SLIT3: variants seen among roughly 807,000 people sequenced by gnomAD.
The protein encoded by SLIT3 is slit guidance ligand 3.
In SLIT3, 68 loss-of-function variants were observed where a neutral mutation model predicts 184.0. The observed-to-expected ratio is 0.37, with a 90% CI of 0.30 to 0.45. The LOEUF is 0.45. Among genes scored for constraint, SLIT3 ranks in the 20% least tolerant of loss-of-function variants. SLIT3 has a pLI of 1.00. For synonymous variants in SLIT3, 831 were observed against 828.6 expected, an observed-to-expected ratio of 1.00 and a Z score of -0.05; for missense variants, 1,707 against 2,026.0, an observed-to-expected ratio of 0.84 and a Z score of 3.02.
At chr5:169,104,633 C>T (rs1256686960) in intron 4 of SLIT3, among the ~76,000 whole-genome samples, 1 of 152,160 alleles carries the variant, frequency 6.6e-6, no homozygotes, top group African/African-American at 2.4e-5. Flanking sequence ...AGCCTCCAGC[C>T]TTATCATCTT....
At chr5:169,134,388 C>A (rs1164917945) in intron 4 of SLIT3, among the ~76,000 whole-genome samples, 1 of 152,094 alleles carries the variant, frequency 6.6e-6, no homozygotes, top group Non-Finnish European at 1.5e-5. Context: ...CTTCTTGGAC[C>A]CAAGGTCTTC....
intron 20 of SLIT3, among the ~76,000 whole-genome samples, chr5:168,745,426 T>TTATTTTTTTTTTTA (rs1763769580): frequency 6.6e-6 from 1 of 152,162 alleles, no homozygotes; most frequent in Non-Finnish European, 1.5e-5. Flanking sequence ...TTTTTTTTTT[T>TTATTTTTTTTTTTA]TTTGAGACAG....
chr5:169,226,811 T>C (rs546332119), intron 3 of SLIT3, among the ~76,000 whole-genome samples: 1 of 152,168 alleles, frequency 6.6e-6, no homozygotes, highest in East Asian at 1.9e-4. Flanking sequence ...TAAGATTCAC[T>C]TTCAGTTTTT....
intron 3 of SLIT3, among the ~76,000 whole-genome samples, chr5:169,222,830 A>T (rs909552597): frequency 8.5e-5 from 13 of 152,204 alleles, no homozygotes; most frequent in Admixed American, 8.5e-4. Flanking sequence ...ATTGTCACCC[A>T]GAGAGAAGCA....
At chr5:169,297,891 C>A (rs539293893) in intron 1 of SLIT3, among the ~76,000 whole-genome samples, 5 of 152,340 alleles carry the variant, frequency 3.3e-5, no homozygotes, top group East Asian at 1.9e-4. Flanking sequence ...TGAGCCACTG[C>A]GCCCGGCTTC....
At chr5:168,901,299 G>A (rs1245479073) in intron 4 of SLIT3, among the ~76,000 whole-genome samples, 4 of 152,164 alleles carry the variant, frequency 2.6e-5, no homozygotes, top group African/African-American at 9.7e-5. Context: ...GGGGGGCGGA[G>A]CTTGCAGTGA....
intron 4 of SLIT3, among the ~76,000 whole-genome samples, chr5:168,961,318 C>G (rs1365510499): frequency 1.3e-5 from 2 of 152,118 alleles, no homozygotes; most frequent in Non-Finnish European, 2.9e-5. Flanking sequence ...CAGCCATGTA[C>G]CAGACATGGT....
At chr5:168,926,122 GTCTA>G (rs1261516005) in intron 4 of SLIT3, among the ~76,000 whole-genome samples, 1 of 151,796 alleles carries the variant, frequency 6.6e-6, no homozygotes, top group Non-Finnish European at 1.5e-5. Context: ...GGATGGATGT[GTCTA>G]TCTATCCAAC....
intron 3 of SLIT3, among the ~76,000 whole-genome samples, chr5:169,241,855 T>C (rs1188094788): frequency 6.6e-6 from 1 of 152,142 alleles, no homozygotes; most frequent in African/African-American, 2.4e-5. Context: ...TAGAGAATTC[T>C]AAGTTGAGAC....
chr5:168,739,574 C>G (rs1763553404), intron 20 of SLIT3, among the ~76,000 whole-genome samples: 2 of 152,046 alleles, frequency 1.3e-5, no homozygotes, highest in Admixed American at 6.5e-5. Context: ...CCTGCCTCAC[C>G]CTCCCAAGTA....
intron 4 of SLIT3, among the ~76,000 whole-genome samples, chr5:169,027,068 G>A (rs1305388579): frequency 6.6e-6 from 1 of 152,202 alleles, no homozygotes; most frequent in African/African-American, 2.4e-5. Flanking sequence ...GACAGACTTA[G>A]GATGGTGGTT....
chr5:168,901,330 C>T (rs1760867042), intron 4 of SLIT3, among the ~76,000 whole-genome samples: 1 of 150,802 alleles, frequency 6.6e-6, no homozygotes. Flanking sequence ...CACCACTGCA[C>T]TCGAGCCTGG....
At chr5:169,119,481 A>G (rs1760805114) in intron 4 of SLIT3, among the ~76,000 whole-genome samples, 1 of 152,248 alleles carries the variant, frequency 6.6e-6, no homozygotes, top group Non-Finnish European at 1.5e-5. Context: ...GGAATGAAAT[A>G]GTGGCTAATT....
At chr5:169,042,831 A>G (rs867925846) in intron 4 of SLIT3, among the ~76,000 whole-genome samples, 2 of 152,204 alleles carry the variant, frequency 1.3e-5, no homozygotes, top group Middle Eastern at 3.2e-3. Context: ...AAATCCTGTT[A>G]TTCAAAAATG....
intron 4 of SLIT3, among the ~76,000 whole-genome samples, chr5:169,181,466 G>C (rs934446831): frequency 2.6e-5 from 4 of 152,132 alleles, no homozygotes; most frequent in Non-Finnish European, 4.4e-5. Context: ...AGTTGGCCGG[G>C]TGCAGTGGCT....
chr5:168,778,370 C>T (rs1755835762), intron 12 of SLIT3, among the ~76,000 whole-genome samples: 1 of 152,242 alleles, frequency 6.6e-6, no homozygotes, highest in Admixed American at 6.5e-5. Flanking sequence ...TATTTAAAGT[C>T]TATATTCTCT....
At chr5:169,175,850 C>T (rs756420088) in intron 4 of SLIT3, among the ~76,000 whole-genome samples, 9 of 152,188 alleles carry the variant, frequency 5.9e-5, no homozygotes, top group Non-Finnish European at 1.2e-4. Context: ...AGAGCTGCTC[C>T]TGCAGGGTGA....
intron 1 of SLIT3, among the ~76,000 whole-genome samples, chr5:169,293,222 A>G (rs967948266): frequency 6.6e-6 from 1 of 152,180 alleles, no homozygotes; most frequent in African/African-American, 2.4e-5. Context: ...GGTTACAACA[A>G]TCAATGAGAG....
chr5:169,144,950 C>A (rs1156329070), intron 4 of SLIT3, among the ~76,000 whole-genome samples: 2 of 152,210 alleles, frequency 1.3e-5, no homozygotes, highest in African/African-American at 4.8e-5. Flanking sequence ...CCTTTTACAT[C>A]CAGCCTGATT....
Sources: gnomAD v4.1 joint callset for allele counts (sites outside exome capture counted in the v4.1 genomes callset) on GRCh38, gnomAD v4.1.1 for gene constraint, MANE v1.5 for transcripts, NCBI Gene and HGNC (gene_info 2026-07-23, HGNC 2026-07-21) for gene names.